The following SLIT2 variants were observed in gnomAD, a reference collection of about 807,000 sequenced individuals.
SLIT2 encodes the protein slit homolog 2 protein.
In SLIT2, 41 loss-of-function variants were observed where a neutral mutation model predicts 185.7. The ratio of observed to expected loss-of-function variants is 0.22; its 90% confidence interval spans 0.17 to 0.29. The LOEUF is 0.29. SLIT2 is among the 10% of genes least tolerant of loss of function. The pLI is 1.00. For missense variants in SLIT2, 1,571 were observed against 1,909.0 expected, an observed-to-expected ratio of 0.82 and a Z score of 3.30; for synonymous variants, 693 against 680.2, an observed-to-expected ratio of 1.02 and a Z score of -0.29.
intron 4 of SLIT2, among the ~76,000 whole-genome samples, chr4:20,466,187 A>G (rs1400797223): frequency 6.6e-6 from 1 of 152,056 alleles, no homozygotes; most frequent in African/African-American, 2.4e-5. Flanking sequence ...CCTTCTCTGA[A>G]CACTGTTTCT....
chr4:20,554,618 T>C (rs1420371954), intron 26 of SLIT2, among the ~76,000 whole-genome samples: 2 of 152,204 alleles, frequency 1.3e-5, no homozygotes, highest in African/African-American at 4.8e-5. Flanking sequence ...TTAGTCAGCA[T>C]ACCTGGAGAT....
chr4:20,600,075 C>T (rs557070761), intron 33 of SLIT2, among the ~76,000 whole-genome samples: 25 of 152,160 alleles, frequency 1.6e-4, no homozygotes, highest in East Asian at 5.8e-4. Context: ...TTAGATATTA[C>T]GAGGCCTTAA....
chr4:20,258,204 A>G (rs1021584826), intron 3 of SLIT2, among the ~76,000 whole-genome samples: 9 of 151,848 alleles, frequency 5.9e-5, no homozygotes. Context: ...TTAAAGATGT[A>G]CAAGCATTTC....
intron 4 of SLIT2, among the ~76,000 whole-genome samples, chr4:20,324,643 C>T (rs1256869877): frequency 6.6e-6 from 1 of 152,090 alleles, no homozygotes; most frequent in Non-Finnish European, 1.5e-5. Flanking sequence ...GCATTCTCAT[C>T]ACAGAATAAC....
intron 4 of SLIT2, among the ~76,000 whole-genome samples, chr4:20,278,018 A>G (rs1342844981): frequency 6.6e-6 from 1 of 151,924 alleles, no homozygotes; most frequent in African/African-American, 2.4e-5. Flanking sequence ...CTCTAAAACT[A>G]TCTTTAAAGT....
At chr4:20,398,851 T>A (rs558071453) in intron 4 of SLIT2, among the ~76,000 whole-genome samples, 1 of 151,918 alleles carries the variant, frequency 6.6e-6, no homozygotes, top group East Asian at 1.9e-4. Flanking sequence ...TGTATTTAGC[T>A]CCGTCAATAA....
intron 29 of SLIT2, among the ~76,000 whole-genome samples, chr4:20,579,733 A>T (rs1188990172): frequency 6.6e-6 from 1 of 151,942 alleles, no homozygotes; most frequent in Non-Finnish European, 1.5e-5. Flanking sequence ...AACTAATTAT[A>T]TAATCAGTAA....
intron 33 of SLIT2, among the ~76,000 whole-genome samples, chr4:20,604,342 G>T (rs1340660483): frequency 6.6e-6 from 1 of 152,084 alleles, no homozygotes; most frequent in East Asian, 1.9e-4. Context: ...ATTCTTACAG[G>T]TATATTTAGA....
chr4:20,518,255 A>ATATAT (rs1553916513), intron 11 of SLIT2, among the ~76,000 whole-genome samples: 3 of 87,516 alleles, frequency 3.4e-5, no homozygotes, highest in African/African-American at 1.2e-4. Flanking sequence ...ATATATATAT[A>ATATAT]TTTTTTTTTT....
chr4:20,530,999 A>G (rs1177845874), intron 16 of SLIT2, among the ~76,000 whole-genome samples: 7 of 151,946 alleles, frequency 4.6e-5, no homozygotes, highest in African/African-American at 1.4e-4. Flanking sequence ...GGAGAGTAAC[A>G]TAGTGGAAGA....
chr4:20,425,354 G>A (rs576898420), intron 4 of SLIT2, among the ~76,000 whole-genome samples: 4 of 152,016 alleles, frequency 2.6e-5, no homozygotes, highest in East Asian at 1.9e-4. Flanking sequence ...GAGATAGAGC[G>A]AGACACTATC....
At chr4:20,478,039 C>G (rs1272058142) in intron 5 of SLIT2, among the ~76,000 whole-genome samples, 1 of 152,142 alleles carries the variant, frequency 6.6e-6, no homozygotes, top group East Asian at 1.9e-4. Flanking sequence ...AAATAAATTA[C>G]ATTGTTGCAT....
intron 4 of SLIT2, among the ~76,000 whole-genome samples, chr4:20,422,118 A>C (rs1728215514): frequency 6.6e-6 from 1 of 152,142 alleles, no homozygotes; most frequent in Non-Finnish European, 1.5e-5. Flanking sequence ...TTGTCATCTC[A>C]ATGAGATGAC....
chr4:20,351,044 CT>C (rs1318012708), intron 4 of SLIT2, among the ~76,000 whole-genome samples: 3 of 136,826 alleles, frequency 2.2e-5, no homozygotes, highest in African/African-American at 7.8e-5. Flanking sequence ...TAGTCTGTTT[CT>C]TTTTTTCTTT....
intron 4 of SLIT2, among the ~76,000 whole-genome samples, chr4:20,375,857 A>G (rs578216681): frequency 7.8e-4 from 118 of 152,192 alleles, no homozygotes; most frequent in African/African-American, 2.6e-3. Flanking sequence ...AAAATATTTT[A>G]TATCACTGTT....
chr4:20,385,037 C>T (rs979683498), intron 4 of SLIT2, among the ~76,000 whole-genome samples: 11 of 152,214 alleles, frequency 7.2e-5, no homozygotes, highest in South Asian at 6.2e-4. Flanking sequence ...TACTTTCTGA[C>T]GATCTCTTCT....
At chr4:20,535,366 C>T (rs141148375) in intron 18 of SLIT2, among the ~76,000 whole-genome samples, 6 of 151,746 alleles carry the variant, frequency 4.0e-5, no homozygotes, top group Non-Finnish European at 4.4e-5. Context: ...AGACCACAGG[C>T]GGCTGCATCT....
At chr4:20,256,529 G>A (rs1711858843) in intron 1 of SLIT2, 143 bp from the exon 2 acceptor site, 4 of 511,144 alleles carry the variant, frequency 7.8e-6, no homozygotes, top group Non-Finnish European at 1.4e-5. Context: ...CCTTTTAAAG[G>A]TTATCCTCTT....
chr4:20,507,577 A>C (rs1374147031), intron 9 of SLIT2, among the ~76,000 whole-genome samples: 1 of 151,778 alleles, frequency 6.6e-6, no homozygotes, highest in African/African-American at 2.4e-5. Flanking sequence ...CAAATGTATG[A>C]ACATCTCTGT....
Sources: allele counts gnomAD v4.1 joint callset (sites outside exome capture counted in the v4.1 genomes callset), GRCh38; gene constraint gnomAD v4.1.1; transcripts MANE v1.5; gene names NCBI Gene and HGNC (gene_info 2026-07-23, HGNC 2026-07-21).